The following PRDM2 variants were observed in gnomAD, a reference collection of about 807,000 sequenced individuals.
PRDM2 encodes PR/SET domain 2, also known as PR domain zinc finger protein 2.
Under a neutral mutation model 130.0 loss-of-function variants are expected in PRDM2, and 30 were observed. That is an observed-to-expected ratio of 0.23 (90% CI 0.17 to 0.31). The LOEUF is 0.31. Among genes scored for constraint, PRDM2 ranks in the 10% least tolerant of loss-of-function variants. The pLI is 1.00. For synonymous variants in PRDM2, 871 were observed against 782.4 expected (o/e 1.11, Z -1.89); for missense variants, 2,011 against 2,108.4 (o/e 0.95, Z 0.90).
chr1:13,774,514 C>T (rs1296590204), intron 7 of PRDM2, among the ~76,000 whole-genome samples: 2 of 152,200 alleles, frequency 1.3e-5, no homozygotes, highest in Non-Finnish European at 2.9e-5. Flanking sequence ...CTAAGTTCTG[C>T]CTCCTCATTG....
At chr1:13,747,078 C>CT (rs1643633740) in intron 5 of PRDM2, among the ~76,000 whole-genome samples, 1 of 152,222 alleles carries the variant, frequency 6.6e-6, no homozygotes. Flanking sequence ...TAGCACTTCA[C>CT]TGACAACTGC....
At position 13,782,111 on chromosome 1, in the gene PRDM2, C is replaced by A. The variant is rs1482382015; in HGVS notation, c.4316C>A (p.Ser1439Tyr). ...VQKAILQKNK[S>Y]AKQKADLKNA... is the part of the protein sequence containing the mutation. The stretch of plus-strand genomic sequence containing the variant: ...AAAGCAATTCTTCAGAAAAACAAAT[C>A]TGCAAAGCAGAAGGCCGACTTGAAA... The change falls in exon 8 of 10, where the codon TCT becomes TAT. Residue 1439 changes from serine to tyrosine, a missense_variant. By Grantham distance (144) the Ser-to-Tyr change is moderately radical. Transcript: ENST00000311066. 3 of 1,613,960 alleles carry A rather than the reference C, an allele frequency of 1.9e-6. No homozygotes were observed. In the South Asian group the frequency reaches 3.3e-5, roughly 18 times the overall value.
rs1425818245 is a variant in PRDM2, at chr1:13,769,687, T to C, written c.512-3391T>C. ...ACTTGTGATAGACTCATTTCCTTGA[T>C]AAACTAAGTGTGTTGGTATTCACCA... On this transcript the variant is annotated intron_variant, in intron 6 of 9. Coordinates refer to ENST00000311066, the MANE Select transcript of PRDM2 (RefSeq NM_001393986.1). 1.3e-4 allele frequency among the ~76,000 whole-genome samples: 20 copies of C among 152,254 alleles called. 1 individual carries two copies. The highest frequency in any genetic ancestry group is 2.6e-4 in the Non-Finnish European group (18 of 68,044).
At position 13,762,788 on chromosome 1, in the gene PRDM2, C is replaced by T. The variant is rs1023103130; in HGVS notation, c.512-10290C>T. Among the ~76,000 whole-genome samples the T allele has an allele frequency of 3.9e-5, 6 of 152,306 alleles. No individual in the cohort carries two copies. In the East Asian group the frequency reaches 1.2e-3, roughly 29 times the overall value. On this transcript the variant is annotated intron_variant, in intron 6 of 9. Transcript: ENST00000311066. The stretch of plus-strand genomic sequence containing the variant: ...CGCTCCTCAGGCTTCCCGGCTTTAC[C>T]TGGCTCCCTTGGTGGATGGAACTTT...
chr1:13,779,797 C>T lies in PRDM2; in HGVS notation c.2002C>T (p.Pro668Ser). 6.2e-7 allele frequency: 1 copy of T among 1,614,190 alleles called. No homozygotes were observed. The highest frequency in any genetic ancestry group is 8.5e-7 in the Non-Finnish European group (1 of 1,180,030). Residue 668 changes from proline to serine, a missense_variant, in exon 8 of 10, where the codon CCT becomes TCT. By Grantham distance (74) the Pro-to-Ser change is moderately conservative. Coordinates refer to ENST00000311066, the MANE Select transcript of PRDM2 (RefSeq NM_001393986.1). The surrounding 1 kb of genome is among the most constrained non-coding windows in gnomAD (Gnocchi z 4.9). ...PMVPSCSLSL[P>S]LSISTTEAVS... Reference sequence around the variant, plus strand: ...GGTCCCCTCTTGCTCTTTAAGTCTTCCTCTTAGCATATCAACAACAGAGGC... The same window carrying T: ...GGTCCCCTCTTGCTCTTTAAGTCTTTCTCTTAGCATATCAACAACAGAGGC...
intron 2 of PRDM2, among the ~76,000 whole-genome samples, chr1:13,722,022 T>C (rs115609369): frequency 7.9e-4 from 120 of 152,316 alleles, no homozygotes; most frequent in African/African-American, 2.6e-3. Flanking sequence ...TAAATTATTA[T>C]TTATTACTGT....
chr1:13,721,050 G>C (rs1474333753), intron 2 of PRDM2, among the ~76,000 whole-genome samples: 4 of 152,154 alleles, frequency 2.6e-5, no homozygotes, highest in Non-Finnish European at 4.4e-5. Flanking sequence ...CTACTGATCG[G>C]CTTTCTGTTC....
At chr1:13,787,179 T>G in intron 8 of PRDM2, 3 of 983,962 alleles carry the variant, frequency 3.0e-6, no homozygotes, top group Middle Eastern at 5.2e-4. Context: ...CAAATGGACG[T>G]TATCCTCTCA....
At chr1:13,767,355 G>A (rs947019992) in intron 6 of PRDM2, among the ~76,000 whole-genome samples, 5 of 151,508 alleles carry the variant, frequency 3.3e-5, no homozygotes, top group African/African-American at 9.7e-5. Flanking sequence ...GCAGTGGCAC[G>A]ATCATGGCTC....
At chr1:13,739,960 T>C (rs905478713) in intron 4 of PRDM2, among the ~76,000 whole-genome samples, 5 of 152,240 alleles carry the variant, frequency 3.3e-5, no homozygotes, top group East Asian at 1.9e-4. Context: ...TTTAGTATTA[T>C]GAGGTTTTGG....
At chr1:13,744,977 G>T (rs1409063664) in intron 5 of PRDM2, among the ~76,000 whole-genome samples, 4 of 152,166 alleles carry the variant, frequency 2.6e-5, no homozygotes, top group African/African-American at 9.7e-5. Context: ...CACTGGTTTT[G>T]TTTGTAATAT....
At chr1:13,776,044 T>A (rs75266213) in intron 7 of PRDM2, among the ~76,000 whole-genome samples, 2,218 of 152,352 alleles carry the variant, frequency 0.015, 38 homozygotes, top group South Asian at 0.083. Flanking sequence ...CTTCAGGTTC[T>A]GTCTGCTTAG....
At position 13,781,163 on chromosome 1, in the gene PRDM2, A is replaced by T. The variant is rs148047054; in HGVS notation, c.3368A>T (p.Asp1123Val). Residue 1123 changes from aspartate (D) to valine (V), a missense_variant, in exon 8 of 10, where the codon GAT (aspartate) becomes GTT (valine). Asp to Val is a radical substitution (Grantham distance 152, BLOSUM62 -3). Around this residue, in one of 5 missense-constraint regions of PRDM2, gnomAD observed 229 missense variants for 364.1 expected, o/e 0.63. Transcript: ENST00000311066. This position sits in a 1 kb window ranked among gnomAD's most constrained non-coding sequence, Gnocchi z 6.1. ...GAGCCCCAGTCTGCTGCTGAACAGG[A>T]TGTTGTTGTTCAGGAAACATTCAAC... ...REEPQSAAEQDVVVQETFNKN... is the reference protein window; with the variant it reads ...REEPQSAAEQVVVVQETFNKN... The T allele has an allele frequency of 9.4e-4, 1,516 of 1,614,160 alleles. 5 individuals carry two copies. The highest frequency in any genetic ancestry group is 1.9e-3 in the South Asian group (177 of 91,082).
chr1:13,743,153 G>T (rs1203629), intron 5 of PRDM2, among the ~76,000 whole-genome samples: 1 of 151,760 alleles, frequency 6.6e-6, no homozygotes, highest in Non-Finnish European at 1.5e-5. Flanking sequence ...TAATCCCAGC[G>T]CTTTGGGAGG....
Position 13,779,726 on chromosome 1 carries a change from C to T in PRDM2, c.1931C>T (p.Pro644Leu). 2 of 1,614,120 alleles carry T rather than the reference C, an allele frequency of 1.2e-6. No individual in the cohort carries two copies. The highest frequency in any genetic ancestry group is 2.2e-5 in the East Asian group (1 of 44,886). ...GCCAAGAAGCGGAGAACTGCGAGCC[C>T]ACCTGCACTGCCCAAAATTAAGGCC... ...SEAKKRRTASPPALPKIKAET... is the reference protein window; with the variant it reads ...SEAKKRRTASLPALPKIKAET... The change falls in exon 8 of 10, where the codon CCA becomes CTA. Residue 644 changes from proline to leucine, a missense_variant. By Grantham distance (98) the Pro-to-Leu change is moderately conservative. Transcript: ENST00000311066. This position sits in a 1 kb window ranked among gnomAD's most constrained non-coding sequence, Gnocchi z 4.9.
At chr1:13,810,497 C>CCT (rs1645153765) in intron 8 of PRDM2, among the ~76,000 whole-genome samples, 2 of 146,698 alleles carry the variant, frequency 1.4e-5, no homozygotes, top group Non-Finnish European at 3.0e-5. Context: ...TTTTTCTTTT[C>CCT]TTTTTTTTTT....
At chr1:13,737,814 C>A (rs1471103495) in intron 4 of PRDM2, among the ~76,000 whole-genome samples, 1 of 151,850 alleles carries the variant, frequency 6.6e-6, no homozygotes, top group African/African-American at 2.4e-5. Flanking sequence ...TTTATTCATT[C>A]ATTTAACCCC....
chr1:13,791,921 C>A (rs545869410), intron 8 of PRDM2, among the ~76,000 whole-genome samples: 48 of 152,228 alleles, frequency 3.2e-4, no homozygotes, highest in African/African-American at 1.1e-3. Flanking sequence ...TTCTGGAGAC[C>A]ATAAACATTT....
intron 8 of PRDM2, 140 bp downstream of exon 8, chr1:13,782,971 G>C (rs1644653179): frequency 6.6e-7 from 1 of 1,526,286 alleles, no homozygotes; most frequent in African/African-American, 1.4e-5. Flanking sequence ...TTAAAGGCAT[G>C]AAGGGTCATT....
Sources: allele counts gnomAD v4.1 joint callset (sites outside exome capture counted in the v4.1 genomes callset), GRCh38; gene constraint gnomAD v4.1.1; regional missense constraint gnomAD v4.1.1; non-coding constraint Gnocchi (gnomAD v3.1); transcripts MANE v1.5; gene names NCBI Gene and HGNC (gene_info 2026-07-23, HGNC 2026-07-21).